CLASP1: variants seen among roughly 807,000 people sequenced by gnomAD.
CLASP1 encodes CLIP-associating protein 1.
Under a neutral mutation model 192.3 loss-of-function variants are expected in CLASP1, and 38 were observed. That is an observed-to-expected ratio of 0.20 (90% CI 0.15 to 0.26). The LOEUF (loss-of-function observed/expected upper bound fraction) is 0.26, where lower values mean the gene tolerates loss of function less well. CLASP1 is among the 10% of genes least tolerant of loss of function. CLASP1 has a pLI of 1.00. For synonymous variants in CLASP1, 691 were observed against 712.8 expected, an observed-to-expected ratio of 0.97 and a Z score of 0.49; for missense variants, 1,433 against 1,932.5, an observed-to-expected ratio of 0.74 and a Z score of 4.85.
At chr2:121,405,817 G>A (rs1027809967) in intron 25 of CLASP1, among the ~76,000 whole-genome samples, 11 of 152,162 alleles carry the variant, frequency 7.2e-5, no homozygotes, top group African/African-American at 2.7e-4. Flanking sequence ...CGTTTCAGAA[G>A]GCAAAACTTC....
Position 121,492,676 on chromosome 2 carries a change from A to T in CLASP1, c.712+10491T>A, listed in dbSNP as rs79510809. ...AGGGTGACTACAATTAAAAAAAATA[A>T]AAAAAAAAAAAAACAAGCATTGCCA... On this transcript the variant is annotated intron_variant, in intron 8 of 39. Coordinates refer to ENST00000263710, the Ensembl canonical transcript of CLASP1. Among the ~76,000 whole-genome samples the T allele has an allele frequency of 9.0e-5, 8 of 88,774 alleles. No individual in the cohort carries two copies. The African/African-American group carries it at 9.2e-4, about 10-fold the overall frequency. 58.2% of individuals were successfully genotyped at this position (88,774 alleles called of 152,430 possible).
chr2:121,563,018 G>A (rs1207013575), intron 2 of CLASP1, among the ~76,000 whole-genome samples: 1 of 152,098 alleles, frequency 6.6e-6, no homozygotes, highest in Non-Finnish European at 1.5e-5. Flanking sequence ...GAGGCTCCTG[G>A]GGTTGGGGAT....
At chr2:121,494,362 A>G (rs886851999) in intron 8 of CLASP1, among the ~76,000 whole-genome samples, 1 of 152,212 alleles carries the variant, frequency 6.6e-6, no homozygotes, top group Admixed American at 6.5e-5. Flanking sequence ...CAAACTTCAT[A>G]TGTTCTCACT....
At chr2:121,363,379 G>T in intron 36 of CLASP1, 79 bp from the exon 38 acceptor site, 2 of 1,565,014 alleles carry the variant, frequency 1.3e-6, no homozygotes, top group South Asian at 1.2e-5. Context: ...GGGTCGGCAA[G>T]GCCAAGCACC....
At chr2:121,401,634 T>C (rs368068969) in exon 28 of CLASP1, 1 of 1,612,132 alleles carries the variant, frequency 6.2e-7, no homozygotes, top group African/African-American at 1.3e-5. Context: ...TATGAATTAT[T>C]ATAAAATCCA....
At chr2:121,576,745 T>G (rs1448407103) in intron 2 of CLASP1, among the ~76,000 whole-genome samples, 1 of 152,248 alleles carries the variant, frequency 6.6e-6, no homozygotes, top group Admixed American at 6.5e-5. Flanking sequence ...TGGTAGACAC[T>G]AACTCATGTT....
At chr2:121,480,416 TG>T (rs1219292577) in intron 8 of CLASP1, among the ~76,000 whole-genome samples, 1 of 152,192 alleles carries the variant, frequency 6.6e-6, no homozygotes, top group Non-Finnish European at 1.5e-5. Context: ...ATGCCCTGGC[TG>T]CTGCTACATA....
At chr2:121,478,630 T>TATACACACACACCCCAC (rs2091956573) in intron 8 of CLASP1, among the ~76,000 whole-genome samples, 1 of 32,454 alleles carries the variant, frequency 3.1e-5, no homozygotes. Context: ...CACACACACA[T>TATACACACACACCCCAC]ACACACACAC....
chr2:121,626,003 G>A (rs914951451), intron 1 of CLASP1, among the ~76,000 whole-genome samples: 1 of 151,642 alleles, frequency 6.6e-6, no homozygotes, highest in Non-Finnish European at 1.5e-5. Flanking sequence ...GGAGGCTGAG[G>A]CAAGAGAATC....
intron 1 of CLASP1, among the ~76,000 whole-genome samples, chr2:121,619,103 A>G (rs1205608320): frequency 6.6e-6 from 1 of 152,246 alleles, no homozygotes; most frequent in East Asian, 1.9e-4. Flanking sequence ...GTGCACAATG[A>G]TTAACTACAA....
intron 8 of CLASP1, among the ~76,000 whole-genome samples, chr2:121,492,551 A>T (rs1391828705): frequency 3.3e-5 from 5 of 152,042 alleles, no homozygotes; most frequent in African/African-American, 1.2e-4. Flanking sequence ...TCCAACGTAG[A>T]TCAACAAATG....
chr2:121,400,550 A>T (rs1012312054), intron 28 of CLASP1, among the ~76,000 whole-genome samples: 11 of 152,218 alleles, frequency 7.2e-5, no homozygotes, highest in Non-Finnish European at 1.5e-4. Context: ...AGGTGAGGAC[A>T]CACACCCACA....
At chr2:121,447,606 C>T (rs751437082) in intron 18 of CLASP1, 99 bp from the exon 19 acceptor site, 3 of 1,035,786 alleles carry the variant, frequency 2.9e-6, no homozygotes, top group Non-Finnish European at 4.1e-6. Context: ...AAAACAAATA[C>T]CAAGTTTTAA....
chr2:121,390,079 G>A (rs1278322070), intron 30 of CLASP1, among the ~76,000 whole-genome samples: 1 of 152,088 alleles, frequency 6.6e-6, no homozygotes, highest in African/African-American at 2.4e-5. Flanking sequence ...TCAGAGTTTT[G>A]CCACGAATTA....
intron 34 of CLASP1, among the ~76,000 whole-genome samples, chr2:121,375,301 T>A (rs909799231): frequency 6.6e-6 from 1 of 151,818 alleles, no homozygotes; most frequent in Non-Finnish European, 1.5e-5. Context: ...GTGACTCCCA[T>A]ACAACCTGTG....
intron 33 of CLASP1, among the ~76,000 whole-genome samples, chr2:121,380,036 A>G (rs78743529): frequency 0.033 from 5,087 of 152,306 alleles, 115 homozygotes; most frequent in Middle Eastern, 0.061. Context: ...GTATGAAGCT[A>G]TAACTGTGAG....
In CLASP1 at chr2:121,530,952, C is replaced by G. The variant is rs549662600; in HGVS notation, c.196-627G>C. 98 of 700,418 alleles carry G rather than the reference C, an allele frequency of 1.4e-4. No homozygotes were observed. Among genetic ancestry groups the G allele is most frequent in the South Asian group, 6.1e-4 (41 of 67,506 alleles). 43.4% of individuals were successfully genotyped at this position (700,418 alleles called of 1,614,324 possible). A position where few individuals can be genotyped will look rare whatever the true frequency, so the allele number is the denominator to read the frequency against. On this transcript the variant is annotated intron_variant, in intron 2 of 39. Transcript: ENST00000263710. The stretch of plus-strand genomic sequence containing the variant: ...GAGGGCAGTACTGCTAACGCCTGAA[C>G]AACACACCCGCATCAACTAGAGCTT...
chr2:121,341,151 A>C (rs928876174), intron 39 of CLASP1, among the ~76,000 whole-genome samples: 6 of 152,110 alleles, frequency 3.9e-5, no homozygotes, highest in Non-Finnish European at 5.9e-5. Context: ...GGGAGGGAGG[A>C]GGCCAGAGTC....
chr2:121,385,471 C>T (rs1025055377), intron 32 of CLASP1, among the ~76,000 whole-genome samples: 2 of 152,090 alleles, frequency 1.3e-5, no homozygotes, highest in Admixed American at 1.3e-4. Flanking sequence ...AAGATGAGGC[C>T]AATTAAGAAG....
Sources: allele counts gnomAD v4.1 joint callset (sites outside exome capture counted in the v4.1 genomes callset), GRCh38; gene constraint gnomAD v4.1.1; transcripts MANE v1.5; gene names NCBI Gene and HGNC (gene_info 2026-07-23, HGNC 2026-07-21).